Variants in UST observed in about 807,000 individuals in gnomAD.
UST encodes uronyl 2-sulfotransferase, also known as chondroitin sulfate 2-O-sulfotransferase.
UST carries 21 observed loss-of-function variants against 45.6 expected under a neutral mutation model. The ratio of observed to expected loss-of-function variants is 0.46; its 90% CI spans 0.33 to 0.66. UST has a LOEUF of 0.66. Among genes scored for constraint, UST ranks in the 30% least tolerant of loss-of-function variants. The pLI is 0.02. For synonymous variants in UST, 215 were observed against 200.6 expected (o/e 1.07, Z -0.61); for missense variants, 463 against 512.4 (o/e 0.90, Z 0.93).
intron 7 of UST, among the ~76,000 whole-genome samples, chr6:149,058,076 T>A (rs1185708987): frequency 6.6e-6 from 1 of 152,190 alleles, no homozygotes; most frequent in Non-Finnish European, 1.5e-5. Flanking sequence ...GAAATAAGGT[T>A]TAAAGCTCAA....
At chr6:149,016,770 C>T (rs895492817) in intron 5 of UST, among the ~76,000 whole-genome samples, 5 of 152,206 alleles carry the variant, frequency 3.3e-5, no homozygotes, top group Non-Finnish European at 5.9e-5. Flanking sequence ...CATCACTTTA[C>T]TCCGTCCTTC....
At chr6:149,029,669 A>G (rs577104146) in intron 7 of UST, among the ~76,000 whole-genome samples, 46 of 152,114 alleles carry the variant, frequency 3.0e-4, no homozygotes, top group Admixed American at 4.6e-4. Context: ...ACTCCCAAGT[A>G]TACAATGATG....
Position 148,811,450 on chromosome 6 carries a change from A to T in UST, c.247+63773A>T, listed in dbSNP as rs1045640899. On this transcript the variant is annotated intron_variant, in intron 1 of 7. Coordinates refer to ENST00000367463, the MANE Select transcript of UST (RefSeq NM_005715.3). ...TCTGCTTCTCAATGTCTTATAGCAA[A>T]AAGTATGGATGTCGGAATGGGTGAG... 1.7e-4 allele frequency among the ~76,000 whole-genome samples: 26 copies of T among 152,226 alleles called. 4 individuals are homozygous for T. Among genetic ancestry groups the T allele is most frequent in the Admixed American group, 1.5e-3 (23 of 15,282 alleles).
At chr6:148,805,926 G>A (rs1777137089) in intron 1 of UST, among the ~76,000 whole-genome samples, 1 of 152,134 alleles carries the variant, frequency 6.6e-6, no homozygotes, top group Admixed American at 6.5e-5. Context: ...TACCTTAGGT[G>A]CTCTTAAGCA....
At chr6:148,758,753 C>A (rs919435694) in intron 1 of UST, among the ~76,000 whole-genome samples, 1 of 152,198 alleles carries the variant, frequency 6.6e-6, no homozygotes, top group Non-Finnish European at 1.5e-5. Context: ...GTAGGTGTTG[C>A]GGCAAGTGAG....
At position 149,001,079 on chromosome 6, in the gene UST, T is replaced by G. The variant is rs181505853; in HGVS notation, c.682-18060T>G. On this transcript the variant is annotated intron_variant, in intron 5 of 7. Transcript: ENST00000367463. ...CCAAAATTGGAGATGATTCTTTTTT[T>G]TTTTTTTTTTGAGACAGAGTCTTGC... Among the ~76,000 whole-genome samples, 1,160 of 151,104 alleles carry G rather than the reference T, an allele frequency of 7.7e-3. 12 individuals are homozygous for G. Among genetic ancestry groups the G allele is most frequent in the African/African-American group, 0.026 (1,079 of 41,332 alleles).
chr6:148,864,783 CTT>C (rs1481060531), intron 1 of UST, among the ~76,000 whole-genome samples: 1 of 152,192 alleles, frequency 6.6e-6, no homozygotes, highest in Non-Finnish European at 1.5e-5. Flanking sequence ...GGAATTGTAA[CTT>C]GACAAAATAG....
intron 1 of UST, among the ~76,000 whole-genome samples, chr6:148,795,449 C>G (rs946424786): frequency 6.6e-6 from 1 of 152,068 alleles, no homozygotes; most frequent in African/African-American, 2.4e-5. Flanking sequence ...AAAGTATCTC[C>G]TTGTTTGATT....
chr6:148,907,985 T>C (rs1236100581), intron 2 of UST, among the ~76,000 whole-genome samples: 1 of 131,148 alleles, frequency 7.6e-6, no homozygotes, highest in East Asian at 2.5e-4. Context: ...CTTGGCTCAC[T>C]GCAACCTCCG....
At chr6:149,057,240 T>C (rs989536323) in intron 7 of UST, among the ~76,000 whole-genome samples, 4 of 152,208 alleles carry the variant, frequency 2.6e-5, no homozygotes, top group Non-Finnish European at 5.9e-5. Flanking sequence ...TGTAATTTGC[T>C]AAGAATTTCA....
intron 1 of UST, among the ~76,000 whole-genome samples, chr6:148,747,993 G>C (rs1321997166): frequency 6.6e-6 from 1 of 152,212 alleles, no homozygotes; most frequent in African/African-American, 2.4e-5. Context: ...GGATGGGTGT[G>C]TGGGGTGTGC....
chr6:148,828,999 C>T (rs1479869540), intron 1 of UST, among the ~76,000 whole-genome samples: 1 of 152,152 alleles, frequency 6.6e-6, no homozygotes, highest in Non-Finnish European at 1.5e-5. Flanking sequence ...GCAGGAATTG[C>T]TCAAAATATA....
At chr6:148,826,713 T>A (rs1777574570) in intron 1 of UST, among the ~76,000 whole-genome samples, 1 of 152,210 alleles carries the variant, frequency 6.6e-6, no homozygotes, top group Non-Finnish European at 1.5e-5. Flanking sequence ...TACCATGGGC[T>A]AAAATCAAGG....
At chr6:148,826,981 T>C (rs2062124) in intron 1 of UST, among the ~76,000 whole-genome samples, 150,970 of 152,162 alleles carry the variant, frequency 0.99, 74,897 homozygotes, top group East Asian at 1. Flanking sequence ...GATAATCTCC[T>C]GAAGTCTCTT....
intron 1 of UST, among the ~76,000 whole-genome samples, chr6:148,855,131 C>A (rs1778179158): frequency 6.6e-6 from 1 of 152,028 alleles, no homozygotes; most frequent in East Asian, 1.9e-4. Flanking sequence ...GAAAGACCCG[C>A]CCCCATGATT....
At chr6:149,059,705 C>T (rs570664490) in intron 7 of UST, among the ~76,000 whole-genome samples, 1 of 152,144 alleles carries the variant, frequency 6.6e-6, no homozygotes, top group Non-Finnish European at 1.5e-5. Context: ...AGAATCCAGG[C>T]AAGAAAATAA....
At chr6:148,968,420 A>G (rs1424626210) in intron 5 of UST, among the ~76,000 whole-genome samples, 1 of 152,204 alleles carries the variant, frequency 6.6e-6, no homozygotes, top group Non-Finnish European at 1.5e-5. Flanking sequence ...GTGAAAAGGC[A>G]GTTGTCTTAG....
intron 7 of UST, among the ~76,000 whole-genome samples, chr6:149,063,668 C>T (rs1776691000): frequency 6.6e-6 from 1 of 152,238 alleles, no homozygotes; most frequent in African/African-American, 2.4e-5. Context: ...GTCTCCATCT[C>T]ACAGACACAG....
intron 1 of UST, among the ~76,000 whole-genome samples, chr6:148,882,486 CAAAAAAAAAA>C (rs397741900): frequency 5.4e-5 from 4 of 74,172 alleles, no homozygotes; most frequent in African/African-American, 1.1e-4. Context: ...AACTCCATCT[CAAAAAAAAAA>C]AAAAAAAAAA....
Sources: gnomAD v4.1 joint callset for allele counts (sites outside exome capture counted in the v4.1 genomes callset) on GRCh38, gnomAD v4.1.1 for gene constraint, MANE v1.5 for transcripts, NCBI Gene and HGNC (gene_info 2026-07-23, HGNC 2026-07-21) for gene names.